The following DCAKD variants were observed in gnomAD, a reference collection of about 807,000 sequenced individuals.
DCAKD encodes the protein dephospho-CoA kinase domain-containing protein.
A neutral mutation model predicts 18.7 loss-of-function variants in DCAKD; 15 were observed. The ratio of observed to expected loss-of-function variants is 0.80; its 90% CI spans 0.54 to 1.24. DCAKD has a LOEUF of 1.24. Among genes scored for constraint, DCAKD ranks in the 50% most tolerant of loss-of-function variants. DCAKD has a pLI of 0.00. For missense variants in DCAKD, 301 were observed against 322.0 expected (o/e 0.93, Z 0.50); for synonymous variants, 130 against 133.0 (o/e 0.98, Z 0.16).
intron 1 of DCAKD, among the ~76,000 whole-genome samples, chr17:45,040,710 G>A (rs185597435): frequency 4.9e-4 from 75 of 152,242 alleles, no homozygotes; most frequent in African/African-American, 1.8e-3. Flanking sequence ...AAGGCAGCAG[G>A]GTGCAAAGAA....
rs538214202 is a variant in DCAKD, at chr17:45,024,994, A to G, written c.405-270T>C. 4.1e-5 allele frequency among the ~76,000 whole-genome samples: 6 copies of G among 145,920 alleles called. No homozygotes were observed. In the Middle Eastern group the frequency reaches 0.011, roughly 268 times the overall value. ...GCCCCTTAATACAAACAAGGGGGGAACTTTGGCCACAGCTCTTTTTTTTTT... is the reference window on the plus strand; with the variant it reads ...GCCCCTTAATACAAACAAGGGGGGAGCTTTGGCCACAGCTCTTTTTTTTTT... On this transcript the variant is annotated intron_variant, in intron 4 of 4. Transcript: ENST00000651974.
chr17:45,053,169 TAAAAAAAAAAA>T (rs760029893), upstream of DCAKD, among the ~76,000 whole-genome samples: 5 of 75,734 alleles, frequency 6.6e-5, no homozygotes, highest in African/African-American at 2.7e-4. Context: ...TGTCTCCAGT[TAAAAAAAAAAA>T]AAAAAAAAAA....
chr17:45,056,794 G>T (rs887283598), intron 1 of DCAKD, among the ~76,000 whole-genome samples: 1 of 151,582 alleles, frequency 6.6e-6, no homozygotes, highest in East Asian at 1.9e-4. Context: ...TTGAGACAGA[G>T]CCTCGCTCTG....
intron 1 of DCAKD, among the ~76,000 whole-genome samples, chr17:45,044,429 C>T (rs1033717759): frequency 4.6e-5 from 7 of 152,186 alleles, no homozygotes; most frequent in East Asian, 1.9e-4. Context: ...CGGTGGCTGA[C>T]GCCTGTAATC....
intron 3 of DCAKD, chr17:45,033,902 T>A (rs2053226539): frequency 7.2e-7 from 1 of 1,395,598 alleles, no homozygotes; most frequent in African/African-American, 1.4e-5. Flanking sequence ...CCAGCTCTTA[T>A]TACTCCCATC....
exon 1 of DCAKD, chr17:45,060,985 C>T: frequency 1.9e-6 from 2 of 1,035,958 alleles, no homozygotes; most frequent in Non-Finnish European, 2.3e-6. Flanking sequence ...GATTTTGGAA[C>T]CTCCACGCCT....
At chr17:45,057,870 G>A (rs900115361) in intron 1 of DCAKD, among the ~76,000 whole-genome samples, 5 of 151,066 alleles carry the variant, frequency 3.3e-5, no homozygotes, top group African/African-American at 9.7e-5. Context: ...AATTAGCTGG[G>A]CGTGGTGGCA....
chr17:45,039,954 G>A (rs1031181290), intron 1 of DCAKD, among the ~76,000 whole-genome samples: 4 of 152,004 alleles, frequency 2.6e-5, no homozygotes, highest in African/African-American at 4.8e-5. Flanking sequence ...TTAGCTGGGC[G>A]TGGTGGTGCA....
chr17:45,040,721 A>C (rs565733561), intron 1 of DCAKD, among the ~76,000 whole-genome samples: 1 of 152,210 alleles, frequency 6.6e-6, no homozygotes, highest in Admixed American at 6.5e-5. Context: ...GTGCAAAGAA[A>C]AGGGCAAGGA....
At chr17:45,037,767 CTTT>C (rs1379583192) in intron 1 of DCAKD, among the ~76,000 whole-genome samples, 9 of 110,866 alleles carry the variant, frequency 8.1e-5, no homozygotes, top group Non-Finnish European at 5.9e-5. Flanking sequence ...GCTTCAAGAG[CTTT>C]TTTTTTTTTT....
intron 3 of DCAKD, among the ~76,000 whole-genome samples, chr17:45,032,522 C>A (rs1476048696): frequency 6.6e-6 from 1 of 151,978 alleles, no homozygotes; most frequent in African/African-American, 2.4e-5. Flanking sequence ...CAGTGGCTCA[C>A]GCTTGTATTC....
At chr17:45,035,778 T>TA (rs2053283279) in intron 1 of DCAKD, among the ~76,000 whole-genome samples, 1 of 152,072 alleles carries the variant, frequency 6.6e-6, no homozygotes, top group Non-Finnish European at 1.5e-5. Context: ...AGACCACAAA[T>TA]AGAGTCCAGG....
chr17:45,056,080 A>G (rs1186751768), upstream of DCAKD, among the ~76,000 whole-genome samples: 39 of 151,866 alleles, frequency 2.6e-4, no homozygotes. Flanking sequence ...GCTTGAACTC[A>G]GGAGGCAGAG....
In DCAKD at chr17:45,039,922, A is replaced by G. The variant is rs576188403; in HGVS notation, c.-114-4923T>C. ...AGCCTGGCCAACATGGCGAAACCCC[A>G]TCTCTACTAAAAATACAAAAATTAG... On this transcript the variant is annotated intron_variant, in intron 1 of 4. Transcript: ENST00000651974. Among the ~76,000 whole-genome samples, 5 of 152,266 alleles carry G rather than the reference A, an allele frequency of 3.3e-5. No homozygotes were observed. In the East Asian group the frequency reaches 9.6e-4, roughly 29 times the overall value.
At chr17:45,036,059 G>A (rs901203168) in intron 1 of DCAKD, among the ~76,000 whole-genome samples, 2 of 152,188 alleles carry the variant, frequency 1.3e-5, no homozygotes, top group African/African-American at 4.8e-5. Flanking sequence ...AGCTGGCGTC[G>A]TGGTTTGTGG....
At chr17:45,036,810 T>C (rs922481111) in intron 1 of DCAKD, among the ~76,000 whole-genome samples, 2 of 152,168 alleles carry the variant, frequency 1.3e-5, no homozygotes, top group African/African-American at 4.8e-5. Flanking sequence ...AGCAATTAAA[T>C]CAAAGGCCAG....
At chr17:45,036,898 G>A (rs773428864) in intron 1 of DCAKD, among the ~76,000 whole-genome samples, 1 of 152,032 alleles carries the variant, frequency 6.6e-6, no homozygotes, top group African/African-American at 2.4e-5. Context: ...TTTTGTTGCC[G>A]TTAAGCAGCA....
rs181637964 is a variant in DCAKD, at chr17:45,058,093, T to A, written c.-118+2795A>T. On this transcript the variant is annotated intron_variant, in intron 1 of 4. Transcript: ENST00000310604. ...ACTTTGGGAGGCCAAGGCAGGTGGA[T>A]TACCTGAGGTCAGGAGTTTAAGACC... is the stretch of plus-strand genomic sequence containing the variant. Among the ~76,000 whole-genome samples, 10 of 149,186 alleles carry A rather than the reference T, an allele frequency of 6.7e-5. 1 individual carries two copies. The East Asian group carries it at 2.0e-3, about 30-fold the overall frequency.
chr17:45,059,809 C>T (rs1203864744), intron 1 of DCAKD, among the ~76,000 whole-genome samples: 2 of 152,020 alleles, frequency 1.3e-5, no homozygotes, highest in Admixed American at 6.6e-5. Context: ...TTTCATCTGT[C>T]AAAAAGGTCA....
Sources: allele counts gnomAD v4.1 joint callset (sites outside exome capture counted in the v4.1 genomes callset), GRCh38; gene constraint gnomAD v4.1.1; transcripts MANE v1.5; gene names NCBI Gene and HGNC (gene_info 2026-07-23, HGNC 2026-07-21).